The following DMXL2 variants were observed in gnomAD, a reference collection of about 807,000 sequenced individuals.
DMXL2 encodes the protein dmX-like protein 2.
A neutral mutation model predicts 331.1 loss-of-function variants in DMXL2; 103 were observed. The observed-to-expected ratio is 0.31, with a 90% confidence interval of 0.27 to 0.37. The LOEUF (loss-of-function observed/expected upper bound fraction) is 0.37. Among genes scored for constraint, DMXL2 ranks in the 10% least tolerant of loss-of-function variants. The probability of loss-of-function intolerance (pLI) is 1.00; values close to 1 mark genes in which losing one functional copy is unlikely to be tolerated. For missense variants in DMXL2, 3,171 were observed against 3,642.9 expected, an observed-to-expected ratio of 0.87 and a Z score of 3.33; for synonymous variants, 1,281 against 1,252.1, an observed-to-expected ratio of 1.02 and a Z score of -0.49.
rs190363844 is a variant in DMXL2, at chr15:51,619,359, C to T, written c.87+3100G>A. On this transcript the variant is annotated intron_variant, in intron 1 of 43. Transcript: ENST00000560891. ...GTGATGTTTTAAAATGTGATATCTA[C>T]AGCTACATTTACGAAATCACAATCG... 3.3e-3 allele frequency among the ~76,000 whole-genome samples: 501 copies of T among 152,304 alleles called. 4 individuals carry two copies. Among genetic ancestry groups the T allele is most frequent in the African/African-American group, 0.011 (469 of 41,552 alleles).
In DMXL2 at chr15:51,536,215, C is replaced by A; in HGVS notation, c.2265G>T (p.Ala755=). 6.2e-7 allele frequency: 1 copy of A among 1,611,324 alleles called. No individual in the cohort carries two copies. Residue 755 remains alanine (A), a synonymous_variant, in exon 12 of 44, where the codon GCG becomes GCT. Transcript: ENST00000560891. The part of the protein sequence containing the change: ...LARINSLHTS[A]FSNVAWLPTL... ...TTGGAAGCCAAGCCACATTAGAGAACGCTGAGGTATGTAAAGAGTTAATTC... is the reference window on the plus strand; with the variant it reads ...TTGGAAGCCAAGCCACATTAGAGAAAGCTGAGGTATGTAAAGAGTTAATTC...
intron 8 of DMXL2, among the ~76,000 whole-genome samples, chr15:51,543,109 T>C (rs2048693447): frequency 1.3e-5 from 2 of 152,200 alleles, no homozygotes; most frequent in Admixed American, 6.6e-5. Context: ...GATAAATCTA[T>C]ATGATTAAAA....
intron 6 of DMXL2, among the ~76,000 whole-genome samples, chr15:51,549,166 C>T (rs1225207691): frequency 6.6e-6 from 1 of 152,086 alleles, no homozygotes; most frequent in Non-Finnish European, 1.5e-5. Context: ...TATGCCTCTG[C>T]ATCTTCATAG....
chr15:51,458,606 A>G lies in DMXL2; in HGVS notation c.8098T>C (p.Leu2700=). ...TCTTGAACATCATGTGTTGAAGCCA[A>G]AACAATTTCATTACAATTTGCCTAT... ...VNKANCNEIV[L]ASTHDVQELD... is the part of the protein sequence containing the mutation. The change falls in exon 36 of 44, where the codon TTG becomes CTG. Residue 2700 remains leucine (L), a synonymous_variant. Transcript: ENST00000560891. 3.1e-6 allele frequency: 5 copies of G among 1,613,992 alleles called. No individual in the cohort carries two copies. The highest frequency in any genetic ancestry group is 4.2e-6 in the Non-Finnish European group (5 of 1,179,884).
intron 2 of DMXL2, among the ~76,000 whole-genome samples, chr15:51,572,521 A>G (rs551057351): frequency 1.3e-5 from 2 of 152,342 alleles, no homozygotes; most frequent in African/African-American, 4.8e-5. Flanking sequence ...ATGAACATCA[A>G]TGCAAAAATC....
At chr15:51,585,327 T>C (rs536481072) in intron 1 of DMXL2, among the ~76,000 whole-genome samples, 2 of 148,664 alleles carry the variant, frequency 1.3e-5, no homozygotes, top group East Asian at 4.0e-4. Flanking sequence ...TATTGAGAGT[T>C]TTTAGCATGA....
Position 51,622,709 on chromosome 15 carries a change from G to C in DMXL2, c.-164C>G. 1 of 1,349,550 alleles carries C rather than the reference G, an allele frequency of 7.4e-7. No individual in the cohort carries two copies. Among genetic ancestry groups the C allele is most frequent in the South Asian group, 1.5e-5 (1 of 64,784 alleles). 83.6% of individuals were successfully genotyped at this position (1,349,550 alleles called of 1,614,324 possible). A position where few individuals can be genotyped will look rare whatever the true frequency, so the allele number is the denominator to read the frequency against. On this transcript the variant is annotated 5_prime_UTR_variant, in exon 1 of 44. Transcript: ENST00000560891. Reference sequence around the variant, plus strand: ...CCCCCTTTCGCCTTCCCTCCGCCTCGTCCCTGCCATGGGAGCTCCTCGACC... The same window carrying C: ...CCCCCTTTCGCCTTCCCTCCGCCTCCTCCCTGCCATGGGAGCTCCTCGACC...
intron 18 of DMXL2, among the ~76,000 whole-genome samples, chr15:51,498,247 C>T (rs2043324464): frequency 6.6e-6 from 1 of 151,866 alleles, no homozygotes; most frequent in African/African-American, 2.4e-5. Flanking sequence ...CTCAAAAAAA[C>T]AAACAAAAAA....
At chr15:51,466,970 C>T (rs1478812407) in intron 29 of DMXL2, among the ~76,000 whole-genome samples, 1 of 151,364 alleles carries the variant, frequency 6.6e-6, no homozygotes, top group Non-Finnish European at 1.5e-5. Context: ...AAATATAATA[C>T]AAAAATCATA....
intron 1 of DMXL2, among the ~76,000 whole-genome samples, chr15:51,598,797 C>T (rs578029975): frequency 6.6e-6 from 1 of 152,312 alleles, no homozygotes; most frequent in Admixed American, 6.5e-5. Context: ...TTACTTTGGA[C>T]AGCAAATGCA....
At chr15:51,474,696 C>T in intron 27 of DMXL2, 104 bp from the exon 28 acceptor site, 1 of 1,216,914 alleles carries the variant, frequency 8.2e-7, no homozygotes, top group Non-Finnish European at 1.1e-6. Flanking sequence ...TTATATTTTA[C>T]AAAATATTTC....
At chr15:51,465,813 C>CA (rs1276096381) in intron 30 of DMXL2, among the ~76,000 whole-genome samples, 162 bp from the exon 31 acceptor site, 2 of 152,134 alleles carry the variant, frequency 1.3e-5, no homozygotes, top group African/African-American at 4.8e-5. Context: ...TCACTGAATA[C>CA]AAAAAACTTG....
At chr15:51,548,869 T>C (rs1309688326) in intron 6 of DMXL2, among the ~76,000 whole-genome samples, 2 of 151,834 alleles carry the variant, frequency 1.3e-5, no homozygotes, top group Non-Finnish European at 2.9e-5. Context: ...GTACAACATA[T>C]CAAAAGGGGG....
intron 19 of DMXL2, among the ~76,000 whole-genome samples, chr15:51,491,985 C>A (rs1029409177): frequency 1.3e-5 from 2 of 152,098 alleles, no homozygotes; most frequent in African/African-American, 4.8e-5. Context: ...TTTCATTTCC[C>A]CTACAAAAAT....
Position 51,471,306 on chromosome 15 carries a change from G to A in DMXL2, c.7309C>T (p.Pro2437Ser). ...GATGGTCTTTCTGCAGGCACCGGTG[G>A]TGGGGTAGCATCTTTTACAGGCCTT... ...PGRPVKDATP[P>S]PVPAERPSYK... is the part of the protein sequence containing the mutation. Residue 2437 changes from proline (P) to serine (S), a missense_variant, in exon 29 of 44, where the codon CCA (proline) becomes TCA (serine). By Grantham distance (74) the Pro-to-Ser change is moderately conservative (BLOSUM62 -1). Coordinates refer to ENST00000560891, the MANE Select transcript of DMXL2 (RefSeq NM_001378457.1). The A allele has an allele frequency of 1.2e-6, 2 of 1,614,024 alleles. No homozygotes were observed. The highest frequency in any genetic ancestry group is 1.7e-6 in the Non-Finnish European group (2 of 1,179,942).
intron 1 of DMXL2, among the ~76,000 whole-genome samples, chr15:51,618,464 A>T (rs1404797590): frequency 1.3e-5 from 2 of 152,116 alleles, no homozygotes; most frequent in Non-Finnish European, 2.9e-5. Flanking sequence ...AGACATATCT[A>T]AATGCCATAA....
chr15:51,620,830 T>C (rs2054577633), intron 1 of DMXL2, among the ~76,000 whole-genome samples: 1 of 152,174 alleles, frequency 6.6e-6, no homozygotes, highest in Admixed American at 6.5e-5. Flanking sequence ...GCCTACAGCA[T>C]AACCACACCT....
In DMXL2 at chr15:51,488,071, A is replaced by G; in HGVS notation, c.5100T>C (p.Asn1700=). The change falls in exon 22 of 44, where the codon AAT becomes AAC. Residue 1700 remains asparagine, a synonymous_variant. Coordinates refer to ENST00000560891, the MANE Select transcript of DMXL2 (RefSeq NM_001378457.1). ...AAGCAGCTTTTCGCCATCTATCTTC[A>G]TTAAAGTTGTGGCTGAAAAATGTTG... is the stretch of plus-strand genomic sequence containing the variant. ...KMTTFFSHNF[N]EDRWRKAALK... is the part of the protein sequence containing the mutation. The G allele has an allele frequency of 2.5e-6, 4 of 1,612,068 alleles. No individual in the cohort carries two copies. The highest frequency in any genetic ancestry group is 3.4e-6 in the Non-Finnish European group (4 of 1,179,258).
chr15:51,560,328 G>T (rs537450678), intron 6 of DMXL2, among the ~76,000 whole-genome samples: 1 of 151,946 alleles, frequency 6.6e-6, no homozygotes. Context: ...ACTGGGGGAG[G>T]AGTAGTACAG....
Sources: gnomAD v4.1 joint callset for allele counts (sites outside exome capture counted in the v4.1 genomes callset) on GRCh38, gnomAD v4.1.1 for gene constraint, MANE v1.5 for transcripts, NCBI Gene and HGNC (gene_info 2026-07-23, HGNC 2026-07-21) for gene names.